Variants in HDAC9 observed in about 807,000 individuals in gnomAD.
The protein encoded by HDAC9 is MEF-2 interacting transcription repressor (MITR) protein.
In HDAC9, 41 loss-of-function variants were observed where a neutral mutation model predicts 139.4. The observed-to-expected ratio is 0.29, with a 90% CI of 0.23 to 0.38. The LOEUF is 0.38. Among genes scored for constraint, HDAC9 ranks in the 10% least tolerant of loss-of-function variants. The probability of loss-of-function intolerance (pLI) is 1.00; values close to 1 mark genes in which losing one functional copy is unlikely to be tolerated. For missense variants in HDAC9, 1,147 were observed against 1,297.0 expected, an observed-to-expected ratio of 0.88 and a Z score of 1.78; for synonymous variants, 517 against 476.2, an observed-to-expected ratio of 1.09 and a Z score of -1.12.
At chr7:18,425,721 G>A (rs1410693869) in intron 1 of HDAC9, among the ~76,000 whole-genome samples, 1 of 152,188 alleles carries the variant, frequency 6.6e-6, no homozygotes, top group Non-Finnish European at 1.5e-5. Context: ...TACATTTATA[G>A]AAAAGATTGA....
chr7:18,226,946 A>T (rs1793094993), intron 2 of HDAC9, among the ~76,000 whole-genome samples: 1 of 152,216 alleles, frequency 6.6e-6, no homozygotes, highest in African/African-American at 2.4e-5. Flanking sequence ...CAATCATTCT[A>T]ACTGTAATTT....
Position 18,864,738 on chromosome 7 carries a change from T to C in HDAC9, c.2685-9740T>C, listed in dbSNP as rs1220574845. Reference sequence around the variant, plus strand: ...ATTGGAATGGTGGTTGCCAGGGGCTTGGAGGAAGGGGAAATGGGAAGTTAT... The same window carrying C: ...ATTGGAATGGTGGTTGCCAGGGGCTCGGAGGAAGGGGAAATGGGAAGTTAT... On this transcript the variant is annotated intron_variant, in intron 21 of 25. Transcript: ENST00000686413. 2.0e-5 allele frequency among the ~76,000 whole-genome samples: 3 copies of C among 152,152 alleles called. No homozygotes were observed. The East Asian group carries it at 5.8e-4, about 29-fold the overall frequency.
At chr7:18,631,599 G>A (rs1164591481) in intron 7 of HDAC9, among the ~76,000 whole-genome samples, 2 of 151,910 alleles carry the variant, frequency 1.3e-5, no homozygotes, top group Non-Finnish European at 2.9e-5. Flanking sequence ...CCATTTCATA[G>A]ATTAAAGTGT....
chr7:18,873,715 C>T (rs1172526074), intron 21 of HDAC9, among the ~76,000 whole-genome samples: 1 of 152,114 alleles, frequency 6.6e-6, no homozygotes, highest in African/African-American at 2.4e-5. Flanking sequence ...GCATACTGGT[C>T]TTCAAGCCTA....
chr7:18,382,226 T>C (rs1188938687), intron 1 of HDAC9, among the ~76,000 whole-genome samples: 3 of 152,140 alleles, frequency 2.0e-5, no homozygotes, highest in African/African-American at 7.2e-5. Flanking sequence ...TTATAGAAAG[T>C]GCTTTCTTAA....
chr7:18,737,409 G>T (rs1221860495), intron 13 of HDAC9, among the ~76,000 whole-genome samples: 1 of 152,146 alleles, frequency 6.6e-6, no homozygotes, highest in Non-Finnish European at 1.5e-5. Flanking sequence ...CTTTAAATGT[G>T]TCCCAGAGAT....
chr7:18,877,341 G>T (rs1799394775), intron 22 of HDAC9, among the ~76,000 whole-genome samples: 1 of 152,114 alleles, frequency 6.6e-6, no homozygotes, highest in Admixed American at 6.6e-5. Context: ...TTCTGTACAG[G>T]CAATTAACAC....
rs1444598619 is a variant in HDAC9 at position 18,278,933 on chromosome 7, C to T, written c.25+116584C>T. Among the ~76,000 whole-genome samples the T allele has an allele frequency of 2.6e-5, 4 of 152,292 alleles. No homozygotes were observed. In the East Asian group the frequency reaches 7.7e-4, roughly 29 times the overall value. On this transcript the variant is annotated intron_variant, in intron 2 of 12. Coordinates refer to the HDAC9 transcript ENST00000417496. ...TTTCTCTGCTGTGGAAGTAGGTACT[C>T]TGTTCTGAAAGTCAGGATCTGGAAA...
At chr7:18,892,132 T>C (rs1800737393) in intron 22 of HDAC9, 1 of 152,068 alleles carries the variant, frequency 6.6e-6, no homozygotes, top group African/African-American at 2.4e-5. Flanking sequence ...AAACACAAAC[T>C]AGGAAATAGG....
At chr7:18,922,366 T>C (rs1208191218) in intron 22 of HDAC9, among the ~76,000 whole-genome samples, 1 of 152,072 alleles carries the variant, frequency 6.6e-6, no homozygotes, top group Non-Finnish European at 1.5e-5. Context: ...GTCTAATTTC[T>C]TTTTCCCAAA....
intron 1 of HDAC9, among the ~76,000 whole-genome samples, chr7:18,134,672 G>A (rs879813808): frequency 2.0e-5 from 3 of 152,110 alleles, no homozygotes; most frequent in South Asian, 2.1e-4. Flanking sequence ...TCTGTTTCTA[G>A]TTCTCACCCT....
At chr7:18,265,668 A>G (rs1221409076) in intron 2 of HDAC9, among the ~76,000 whole-genome samples, 1 of 152,116 alleles carries the variant, frequency 6.6e-6, no homozygotes, top group Non-Finnish European at 1.5e-5. Context: ...AACATGAGAA[A>G]CTTTTTTAAT....
At chr7:18,263,637 C>G (rs1475536685) in intron 2 of HDAC9, among the ~76,000 whole-genome samples, 1 of 148,132 alleles carries the variant, frequency 6.8e-6, no homozygotes, top group Non-Finnish European at 1.5e-5. Flanking sequence ...GAGACCGAGT[C>G]TTGCTCTGTC....
rs1236891943 is a variant in HDAC9, at chr7:18,593,906, A to C, written c.543-2A>C. On this transcript the variant is annotated splice_acceptor_variant, in intron 5 of 25. Coordinates refer to ENST00000686413, the MANE Select transcript of HDAC9 (RefSeq NM_178425.4). LOFTEE classifies it high-confidence loss of function. ...ATAGTGAAACTTCCTTGTCTTTTCT[A>C]GGGCTGCCCACCACACATCATTGGA... 6.2e-7 allele frequency: 1 copy of C among 1,612,290 alleles called. No individual in the cohort carries two copies. Among genetic ancestry groups the C allele is most frequent in the East Asian group, 2.2e-5 (1 of 44,868 alleles).
chr7:18,590,554 A>G lies in HDAC9; in HGVS notation c.415+68A>G, dbSNP rs1830662332. 8 of 1,461,476 alleles carry G rather than the reference A, an allele frequency of 5.5e-6. No individual in the cohort carries two copies. The South Asian group carries it at 1.1e-4, about 19-fold the overall frequency. The allele number at this position is 1,461,476 out of a possible 1,614,324, so 90.5% of individuals were successfully genotyped here. On this transcript the variant is annotated intron_variant, in intron 4 of 25. Transcript: ENST00000686413. ...GTTAGCTGATCATTATTCAGAACAA[A>G]GCCTGATAAAGAGTGCGGTTAGACT...
Position 18,975,973 on chromosome 7 carries a change from G to A in HDAC9, c.3170+20G>A, listed in dbSNP as rs762844000. The A allele has an allele frequency of 1.9e-6, 3 of 1,610,268 alleles. No individual in the cohort carries two copies. Among genetic ancestry groups the A allele is most frequent in the East Asian group, 2.2e-5 (1 of 44,856 alleles). On this transcript the variant is annotated intron_variant, in intron 25 of 25. Transcript: ENST00000686413. ...CAGCAGGTATGAATCCAACGTGCGGGAATAATCCGGGTCAGTCATATCCAG... is the reference window on the plus strand; with the variant it reads ...CAGCAGGTATGAATCCAACGTGCGGAAATAATCCGGGTCAGTCATATCCAG...
At chr7:18,995,515 G>A (rs1267059805) in intron 25 of HDAC9, among the ~76,000 whole-genome samples, 3 of 152,198 alleles carry the variant, frequency 2.0e-5, no homozygotes, top group South Asian at 4.1e-4. Flanking sequence ...TATTGGGTCT[G>A]TAGCAACAAT....
chr7:18,300,083 G>C (rs952332174), intron 1 of HDAC9, among the ~76,000 whole-genome samples: 1 of 152,144 alleles, frequency 6.6e-6, no homozygotes, highest in Non-Finnish European at 1.5e-5. Context: ...TCTAGATCAA[G>C]CTTGTCCAAC....
chr7:18,505,209 C>T (rs1265138531), intron 2 of HDAC9, among the ~76,000 whole-genome samples: 1 of 152,160 alleles, frequency 6.6e-6, no homozygotes, highest in African/African-American at 2.4e-5. Flanking sequence ...TGCCAGTGTT[C>T]ATGATACACA....
Sources: allele counts gnomAD v4.1 joint callset (sites outside exome capture counted in the v4.1 genomes callset), GRCh38; gene constraint gnomAD v4.1.1; transcripts MANE v1.5; gene names NCBI Gene and HGNC (gene_info 2026-07-23, HGNC 2026-07-21).